Variants in NALCN observed in about 807,000 individuals in gnomAD.
The protein encoded by NALCN is sodium leak channel, non-selective, also known as sodium leak channel NALCN.
Under a neutral mutation model 225.3 loss-of-function variants are expected in NALCN, and 111 were observed. The observed-to-expected ratio is 0.49, with a 90% CI of 0.42 to 0.58. NALCN has a LOEUF of 0.58. NALCN is among the 20% of genes least tolerant of loss of function. The pLI is 0.00. For synonymous variants in NALCN, 764 were observed against 769.0 expected (o/e 0.99, Z 0.11); for missense variants, 1,378 against 2,202.4 (o/e 0.63, Z 7.49).
intron 7 of NALCN, among the ~76,000 whole-genome samples, chr13:101,336,605 T>C (rs1261998512): frequency 2.6e-5 from 4 of 152,340 alleles, no homozygotes; most frequent in African/African-American, 4.8e-5. Context: ...TGACGACTTG[T>C]AGTTTTCTTA....
chr13:101,208,089 C>G, intron 13 of NALCN, among the ~76,000 whole-genome samples: 1 of 152,044 alleles, frequency 6.6e-6, no homozygotes, highest in South Asian at 2.1e-4. Context: ...CAACTCCCAA[C>G]AGGAGGAACG....
At chr13:101,363,862 T>A (rs754078105) in intron 6 of NALCN, among the ~76,000 whole-genome samples, 1 of 151,932 alleles carries the variant, frequency 6.6e-6, no homozygotes, top group Non-Finnish European at 1.5e-5. Context: ...CCAGAATATA[T>A]AAAGAACTCA....
chr13:101,062,490 A>T (rs2032031477), intron 40 of NALCN, among the ~76,000 whole-genome samples: 1 of 152,158 alleles, frequency 6.6e-6, no homozygotes, highest in South Asian at 2.1e-4. Context: ...CTTCACACTT[A>T]GCCCCCCGAG....
intron 17 of NALCN, among the ~76,000 whole-genome samples, chr13:101,132,168 A>C (rs1393037141): frequency 6.6e-6 from 1 of 152,058 alleles, no homozygotes; most frequent in Non-Finnish European, 1.5e-5. Flanking sequence ...TAAAAATGCC[A>C]TTAGCTACTT....
At chr13:101,155,961 GA>G (rs2037880365) in intron 15 of NALCN, among the ~76,000 whole-genome samples, 1 of 151,874 alleles carries the variant, frequency 6.6e-6, no homozygotes, top group Admixed American at 6.6e-5. Context: ...TTCTTACTTG[GA>G]ATTATTCTGA....
chr13:101,339,082 T>A (rs1413494570), intron 7 of NALCN, among the ~76,000 whole-genome samples: 1 of 152,210 alleles, frequency 6.6e-6, no homozygotes. Context: ...TCTCATATGT[T>A]TATGAGCAAG....
At chr13:101,135,200 A>C (rs1226404443) in intron 17 of NALCN, among the ~76,000 whole-genome samples, 2 of 152,246 alleles carry the variant, frequency 1.3e-5, no homozygotes, top group East Asian at 3.8e-4. Context: ...GTCTCAAACA[A>C]ACAAACAAAC....
intron 13 of NALCN, among the ~76,000 whole-genome samples, chr13:101,214,130 T>C (rs1693953720): frequency 6.6e-6 from 1 of 152,100 alleles, no homozygotes; most frequent in Non-Finnish European, 1.5e-5. Context: ...AATGGATGAG[T>C]TCATGTCCTT....
chr13:101,391,295 A>G (rs1332339052), intron 3 of NALCN, among the ~76,000 whole-genome samples: 2 of 152,216 alleles, frequency 1.3e-5, no homozygotes, highest in East Asian at 3.9e-4. Context: ...ACACAGGTCT[A>G]TGTTACCAAA....
intron 7 of NALCN, among the ~76,000 whole-genome samples, chr13:101,324,203 G>A (rs562807189): frequency 6.6e-6 from 1 of 152,104 alleles, no homozygotes; most frequent in Non-Finnish European, 1.5e-5. Flanking sequence ...CTCGTAACAC[G>A]TCTCAACTGG....
At chr13:101,362,623 G>C (rs2046280752) in intron 6 of NALCN, among the ~76,000 whole-genome samples, 1 of 151,998 alleles carries the variant, frequency 6.6e-6, no homozygotes, top group African/African-American at 2.4e-5. Context: ...ACAAACCCAT[G>C]GCTAACATCA....
At chr13:101,354,069 T>C (rs542061197) in intron 6 of NALCN, among the ~76,000 whole-genome samples, 93 of 152,184 alleles carry the variant, frequency 6.1e-4, no homozygotes, top group African/African-American at 2.1e-3. Context: ...GTTGGTCGGG[T>C]GCAGTGGCTC....
chr13:101,086,149 T>G (rs768792446), intron 30 of NALCN, among the ~76,000 whole-genome samples: 1 of 152,092 alleles, frequency 6.6e-6, no homozygotes, highest in African/African-American at 2.4e-5. Context: ...TTGAATATTA[T>G]AGAAGCTATA....
chr13:101,195,706 T>C (rs1360878201), intron 13 of NALCN, among the ~76,000 whole-genome samples: 1 of 152,212 alleles, frequency 6.6e-6, no homozygotes, highest in Non-Finnish European at 1.5e-5. Context: ...AAGATTTCAT[T>C]CAGGCACAAC....
At chr13:101,415,206 C>CATATATATATATATATATATATATAT (rs1278371508) in intron 1 of NALCN, among the ~76,000 whole-genome samples, 2,395 of 103,986 alleles carry the variant, frequency 0.023, 179 homozygotes, top group Non-Finnish European at 0.028. Context: ...ACAAATCACA[C>CATATATATATATATATATATATATAT]ACATATATAT....
intron 18 of NALCN, among the ~76,000 whole-genome samples, chr13:101,115,650 G>A (rs770128426): frequency 2.6e-5 from 4 of 152,024 alleles, no homozygotes; most frequent in Non-Finnish European, 2.9e-5. Flanking sequence ...ATGCCTTTTG[G>A]TCTCATGTAA....
chr13:101,219,911 C>T (rs1377686374), intron 13 of NALCN, among the ~76,000 whole-genome samples: 1 of 152,128 alleles, frequency 6.6e-6, no homozygotes, highest in Non-Finnish European at 1.5e-5. Flanking sequence ...GTAAGTAGGG[C>T]TCTTAGTTAT....
intron 12 of NALCN, among the ~76,000 whole-genome samples, chr13:101,232,225 T>C (rs1328844496): frequency 6.6e-6 from 1 of 152,060 alleles, no homozygotes; most frequent in Non-Finnish European, 1.5e-5. Context: ...TTTACTTTGA[T>C]TTAACAGGAA....
chr13:101,102,247 C>G (rs1238182427), intron 26 of NALCN, among the ~76,000 whole-genome samples: 1 of 151,560 alleles, frequency 6.6e-6, no homozygotes. Flanking sequence ...TGCGCCATTG[C>G]ACTCCAGCCT....
Sources: gnomAD v4.1 joint callset for allele counts (sites outside exome capture counted in the v4.1 genomes callset) on GRCh38, gnomAD v4.1.1 for gene constraint, MANE v1.5 for transcripts, NCBI Gene and HGNC (gene_info 2026-07-23, HGNC 2026-07-21) for gene names.